TPST1: variants seen among roughly 807,000 people sequenced by gnomAD.
TPST1 encodes tyrosylprotein sulfotransferase 1.
Under a neutral mutation model 34.8 loss-of-function variants are expected in TPST1, and 20 were observed. That is an observed-to-expected ratio of 0.57 (90% CI 0.40 to 0.84). The LOEUF is 0.84. Among genes scored for constraint, TPST1 ranks in the 40% least tolerant of loss-of-function variants. The probability of loss-of-function intolerance (pLI) is 0.00; values close to 1 mark genes in which losing one functional copy is unlikely to be tolerated. For missense variants in TPST1, 353 were observed against 455.5 expected, an observed-to-expected ratio of 0.78 and a Z score of 2.05; for synonymous variants, 152 against 159.4, an observed-to-expected ratio of 0.95 and a Z score of 0.35.
chr7:66,354,341 C>A (rs1055429114), intron 4 of TPST1, among the ~76,000 whole-genome samples: 19 of 152,086 alleles, frequency 1.2e-4, no homozygotes, highest in African/African-American at 4.3e-4. Context: ...TGCGGTGGTT[C>A]ACGCCTGTAA....
intron 2 of TPST1, among the ~76,000 whole-genome samples, chr7:66,266,214 T>A (rs1249454083): frequency 6.6e-6 from 1 of 151,908 alleles, no homozygotes; most frequent in African/African-American, 2.4e-5. Context: ...ACATTTCCCA[T>A]ATTTCAGTAT....
intron 1 of TPST1, among the ~76,000 whole-genome samples, chr7:66,235,311 A>G (rs972750648): frequency 1.3e-5 from 2 of 151,338 alleles, no homozygotes; most frequent in Middle Eastern, 3.2e-3. Flanking sequence ...CTGCATAGAC[A>G]TTTTAATGCT....
intron 3 of TPST1, chr7:66,344,423 G>GTT: frequency 6.6e-6 from 1 of 152,042 alleles, no homozygotes. Context: ...ATTTCTAATT[G>GTT]TTTTTTTTAG....
At chr7:66,243,208 A>G (rs1274765169) in intron 2 of TPST1, among the ~76,000 whole-genome samples, 1 of 151,890 alleles carries the variant, frequency 6.6e-6, no homozygotes, top group Non-Finnish European at 1.5e-5. Context: ...ACTTTCTAAC[A>G]GTTTTCCAAA....
intron 2 of TPST1, among the ~76,000 whole-genome samples, chr7:66,258,621 C>T (rs991593233): frequency 2.0e-5 from 3 of 152,310 alleles, no homozygotes; most frequent in South Asian, 4.1e-4. Flanking sequence ...ACAGAGGCTC[C>T]TTTCATTGTT....
At chr7:66,255,220 G>A (rs1206567240) in intron 2 of TPST1, among the ~76,000 whole-genome samples, 2 of 151,850 alleles carry the variant, frequency 1.3e-5, no homozygotes, top group Non-Finnish European at 2.9e-5. Flanking sequence ...GCAATGTCTG[G>A]AGACTTTTTG....
intron 1 of TPST1, among the ~76,000 whole-genome samples, chr7:66,222,700 A>G (rs994887878): frequency 6.6e-6 from 1 of 152,062 alleles, no homozygotes; most frequent in South Asian, 2.1e-4. Context: ...TCTGATGTCA[A>G]TGGGGAATGA....
intron 3 of TPST1, among the ~76,000 whole-genome samples, chr7:66,340,189 G>C (rs1179579300): frequency 6.6e-6 from 1 of 151,566 alleles, no homozygotes; most frequent in Non-Finnish European, 1.5e-5. Flanking sequence ...TACAAAGCCT[G>C]GGTGATAGAG....
At chr7:66,242,188 A>C (rs1790049711) in intron 2 of TPST1, among the ~76,000 whole-genome samples, 1 of 152,192 alleles carries the variant, frequency 6.6e-6, no homozygotes, top group African/African-American at 2.4e-5. Context: ...CATGAAGAAG[A>C]GTTGGCTATA....
intron 1 of TPST1, among the ~76,000 whole-genome samples, chr7:66,232,200 A>T (rs866233956): frequency 0.011 from 1,459 of 127,730 alleles, 31 homozygotes; most frequent in African/African-American, 0.034. Flanking sequence ...TATTAAAAAA[A>T]ATTTTTTTTT....
In TPST1 at chr7:66,332,722, T is replaced by G. The variant is rs891566311; in HGVS notation, c.1045-19783T>G. On this transcript the variant is annotated intron_variant, in intron 3 of 5. Coordinates refer to ENST00000304842, the MANE Select transcript of TPST1 (RefSeq NM_003596.4). The surrounding 1 kb of genome is among the most constrained non-coding windows in gnomAD (Gnocchi z 4.5). ...CTGAACGTGACGGACTTTGTCATTA[T>G]TTCCTAAAAAATACAGGATAACTAT... is the stretch of plus-strand genomic sequence containing the variant. Among the ~76,000 whole-genome samples the G allele has an allele frequency of 1.3e-5, 2 of 152,210 alleles. No homozygotes were observed. Among genetic ancestry groups the G allele is most frequent in the African/African-American group, 4.8e-5 (2 of 41,448 alleles).
At chr7:66,207,174 C>A (rs1032964440) in intron 1 of TPST1, among the ~76,000 whole-genome samples, 2 of 152,182 alleles carry the variant, frequency 1.3e-5, no homozygotes, top group South Asian at 2.1e-4. Flanking sequence ...TTCTGCACTT[C>A]TGGATCCTGG....
intron 1 of TPST1, among the ~76,000 whole-genome samples, chr7:66,218,916 T>C (rs1325580627): frequency 6.6e-6 from 1 of 151,864 alleles, no homozygotes; most frequent in Non-Finnish European, 1.5e-5. Flanking sequence ...AGTCTGGCTC[T>C]GTCATCTAGG....
chr7:66,340,395 A>G (rs999672407), intron 3 of TPST1, among the ~76,000 whole-genome samples: 1 of 152,154 alleles, frequency 6.6e-6, no homozygotes, highest in African/African-American at 2.4e-5. Context: ...AGCCCAAGCA[A>G]TTAGGCAAGA....
At chr7:66,349,505 G>C (rs1792426069) in intron 3 of TPST1, among the ~76,000 whole-genome samples, 1 of 152,180 alleles carries the variant, frequency 6.6e-6, no homozygotes, top group African/African-American at 2.4e-5. Flanking sequence ...CTGGGAGGCA[G>C]AGGTTGTGGT....
intron 3 of TPST1, among the ~76,000 whole-genome samples, chr7:66,322,313 T>G (rs1451410779): frequency 6.6e-6 from 1 of 152,224 alleles, no homozygotes; most frequent in South Asian, 2.1e-4. Flanking sequence ...GTTAAACATA[T>G]TTACAGTGTT....
At chr7:66,301,020 C>T (rs1791305218) in intron 3 of TPST1, among the ~76,000 whole-genome samples, 1 of 152,002 alleles carries the variant, frequency 6.6e-6, no homozygotes, top group African/African-American at 2.4e-5. Flanking sequence ...AGAATGGATA[C>T]TGTGTTAGCA....
At chr7:66,337,941 C>T (rs1393266941) in intron 3 of TPST1, among the ~76,000 whole-genome samples, 1 of 152,116 alleles carries the variant, frequency 6.6e-6, no homozygotes, top group Non-Finnish European at 1.5e-5. Flanking sequence ...AAGAAAGAAT[C>T]TACAAAGCAA....
intron 3 of TPST1, among the ~76,000 whole-genome samples, chr7:66,314,440 G>A (rs1214526840): frequency 6.6e-6 from 1 of 152,172 alleles, no homozygotes; most frequent in Non-Finnish European, 1.5e-5. Flanking sequence ...CTGAGCCCAG[G>A]ATGTCAAGCC....
Sources: allele counts gnomAD v4.1 joint callset (sites outside exome capture counted in the v4.1 genomes callset), GRCh38; gene constraint gnomAD v4.1.1; non-coding constraint Gnocchi (gnomAD v3.1); transcripts MANE v1.5; gene names NCBI Gene and HGNC (gene_info 2026-07-23, HGNC 2026-07-21).